The following KCNQ5 variants were observed in gnomAD, a reference collection of about 807,000 sequenced individuals.
KCNQ5 encodes potassium voltage-gated channel subfamily Q member 5, also known as potassium voltage-gated channel subfamily KQT member 5.
KCNQ5 carries 30 observed loss-of-function variants against 98.2 expected under a neutral mutation model. That is an observed-to-expected ratio of 0.31 (90% CI 0.23 to 0.41). The LOEUF (loss-of-function observed/expected upper bound fraction) is 0.41, where lower values mean the gene tolerates loss of function less well. Among genes scored for constraint, KCNQ5 ranks in the 10% least tolerant of loss-of-function variants. The pLI is 1.00. For missense variants in KCNQ5, 835 were observed against 1,182.5 expected (o/e 0.71, Z 4.31); for synonymous variants, 458 against 449.4 (o/e 1.02, Z -0.24).
chr6:73,099,637 A>G (rs1199648394), intron 5 of KCNQ5, among the ~76,000 whole-genome samples: 2 of 152,132 alleles, frequency 1.3e-5, no homozygotes, highest in Admixed American at 6.5e-5. Flanking sequence ...TATAACAACT[A>G]TAAATATATA....
intron 3 of KCNQ5, among the ~76,000 whole-genome samples, chr6:73,050,370 GAAAAT>G: frequency 6.6e-6 from 1 of 151,702 alleles, no homozygotes; most frequent in Admixed American, 6.6e-5. Flanking sequence ...GGAAAGGAAA[GAAAAT>G]AAATGTAACT....
intron 1 of KCNQ5, among the ~76,000 whole-genome samples, chr6:72,713,617 GA>G (rs1347833024): frequency 1.3e-5 from 2 of 152,106 alleles, no homozygotes; most frequent in Non-Finnish European, 2.9e-5. Context: ...GCTAAAATAA[GA>G]AACTGATACA....
intron 1 of KCNQ5, among the ~76,000 whole-genome samples, chr6:72,656,243 A>G (rs1766189479): frequency 6.6e-6 from 1 of 152,162 alleles, no homozygotes. Context: ...ACAAAACAGT[A>G]TGGTGTTATG....
At chr6:72,979,568 G>A (rs1768331149) in intron 1 of KCNQ5, among the ~76,000 whole-genome samples, 1 of 152,158 alleles carries the variant, frequency 6.6e-6, no homozygotes, top group Non-Finnish European at 1.5e-5. Context: ...TGTGGACTCT[G>A]GATATTAGCC....
chr6:73,055,792 G>C, intron 3 of KCNQ5: 1 of 872,526 alleles, frequency 1.1e-6, no homozygotes, highest in East Asian at 2.8e-5. Context: ...GCAGTTCCTA[G>C]GGGATGAAGA....
chr6:73,108,696 G>A (rs529490475), intron 6 of KCNQ5, among the ~76,000 whole-genome samples: 7 of 152,030 alleles, frequency 4.6e-5, no homozygotes, highest in South Asian at 2.1e-4. Context: ...GCGTGGTGGC[G>A]GGCACCTGTA....
intron 1 of KCNQ5, among the ~76,000 whole-genome samples, chr6:72,764,437 C>T (rs1363578129): frequency 5.3e-5 from 8 of 151,930 alleles, no homozygotes; most frequent in African/African-American, 1.9e-4. Context: ...AAGGAAAGCA[C>T]AATCCCTGAT....
chr6:73,154,193 C>T (rs532315305), intron 10 of KCNQ5, among the ~76,000 whole-genome samples: 1 of 152,034 alleles, frequency 6.6e-6, no homozygotes, highest in South Asian at 2.1e-4. Context: ...GTTATTATAG[C>T]ATTATCTTTT....
intron 2 of KCNQ5, among the ~76,000 whole-genome samples, chr6:73,009,447 T>C (rs894960033): frequency 1.3e-5 from 2 of 151,590 alleles, no homozygotes; most frequent in Admixed American, 1.3e-4. Context: ...AAAAGAAATA[T>C]CTCAAATCAG....
At chr6:72,747,431 G>A (rs962141949) in intron 1 of KCNQ5, among the ~76,000 whole-genome samples, 11 of 152,034 alleles carry the variant, frequency 7.2e-5, no homozygotes, top group African/African-American at 2.2e-4. Context: ...GGCTTCATGG[G>A]ACTGCCAAAG....
At chr6:72,857,506 C>T (rs1009191131) in intron 1 of KCNQ5, among the ~76,000 whole-genome samples, 1 of 152,158 alleles carries the variant, frequency 6.6e-6, no homozygotes, top group African/African-American at 2.4e-5. Flanking sequence ...ACATACAAAA[C>T]AAGTTTACAG....
chr6:72,882,938 A>T (rs936688297), intron 1 of KCNQ5, among the ~76,000 whole-genome samples: 3 of 152,194 alleles, frequency 2.0e-5, no homozygotes, highest in African/African-American at 7.2e-5. Flanking sequence ...ATGTGGGAAA[A>T]ATAGATCAAT....
At chr6:73,124,980 TACACACAC>T (rs150667060) in intron 9 of KCNQ5, among the ~76,000 whole-genome samples, 48 of 22,798 alleles carry the variant, frequency 2.1e-3, no homozygotes, top group Middle Eastern at 0.031. Context: ...TATATATATA[TACACACAC>T]ACACATATAT....
intron 1 of KCNQ5, among the ~76,000 whole-genome samples, chr6:72,951,265 G>A (rs1277833915): frequency 2.0e-5 from 3 of 151,610 alleles, no homozygotes; most frequent in Non-Finnish European, 2.9e-5. Context: ...TTTTTTGTTG[G>A]TTTGTTTTTT....
At chr6:72,847,514 G>C (rs577362660) in intron 1 of KCNQ5, among the ~76,000 whole-genome samples, 1 of 149,124 alleles carries the variant, frequency 6.7e-6, no homozygotes, top group Non-Finnish European at 1.5e-5. Context: ...CGATTTACCA[G>C]AAGTGGAAGA....
intron 2 of KCNQ5, among the ~76,000 whole-genome samples, chr6:73,032,647 G>A (rs1000268520): frequency 1.4e-4 from 22 of 152,128 alleles, no homozygotes; most frequent in African/African-American, 5.3e-4. Context: ...GTTAATTTGT[G>A]ATTATTTTAC....
chr6:72,943,731 G>C (rs569041034), intron 1 of KCNQ5, among the ~76,000 whole-genome samples: 1 of 152,198 alleles, frequency 6.6e-6, no homozygotes, highest in Admixed American at 6.5e-5. Flanking sequence ...GCGTGATCTT[G>C]AGGAAGTTAC....
chr6:72,986,179 G>A (rs9446804), intron 1 of KCNQ5: 20,553 of 163,100 alleles, frequency 0.13, 1,788 homozygotes, highest in East Asian at 0.25. Flanking sequence ...GCAGTGAGCC[G>A]AGATCGCACC....
intron 1 of KCNQ5, among the ~76,000 whole-genome samples, chr6:72,712,451 C>T (rs549345677): frequency 6.6e-6 from 1 of 152,322 alleles, no homozygotes; most frequent in African/African-American, 2.4e-5. Flanking sequence ...CTTTAAAATA[C>T]TTAAATCTGT....
Sources: allele counts gnomAD v4.1 joint callset (sites outside exome capture counted in the v4.1 genomes callset), GRCh38; gene constraint gnomAD v4.1.1; transcripts MANE v1.5; gene names NCBI Gene and HGNC (gene_info 2026-07-23, HGNC 2026-07-21).